Variants in ITFG1 observed in about 807,000 individuals in gnomAD.
ITFG1 encodes the protein T-cell immunomodulatory protein.
A neutral mutation model predicts 81.8 loss-of-function variants in ITFG1; 34 were observed. The ratio of observed to expected loss-of-function variants is 0.42; its 90% CI spans 0.32 to 0.55. The LOEUF (loss-of-function observed/expected upper bound fraction) is 0.55, where lower values mean the gene tolerates loss of function less well. Ranked by LOEUF, ITFG1 falls within the 20% of genes least tolerant of loss-of-function variation. The probability of loss-of-function intolerance (pLI) is 0.17; values close to 1 mark genes in which losing one functional copy is unlikely to be tolerated. For synonymous variants in ITFG1, 285 were observed against 270.6 expected (o/e 1.05, Z -0.52); for missense variants, 672 against 755.4 (o/e 0.89, Z 1.29).
At chr16:47,287,582 T>C (rs192486796) in intron 10 of ITFG1, among the ~76,000 whole-genome samples, 6 of 152,020 alleles carry the variant, frequency 3.9e-5, no homozygotes, top group Admixed American at 3.9e-4. Context: ...AAATTTTTTT[T>C]TGTAGAGACA....
At chr16:47,196,952 C>A (rs964973495) in intron 14 of ITFG1, among the ~76,000 whole-genome samples, 4 of 151,960 alleles carry the variant, frequency 2.6e-5, no homozygotes, top group African/African-American at 4.8e-5. Context: ...CAAAACAAAA[C>A]AACAACAACA....
At chr16:47,281,340 C>CT (rs1048789751) in intron 10 of ITFG1, among the ~76,000 whole-genome samples, 6 of 152,036 alleles carry the variant, frequency 3.9e-5, no homozygotes, top group Non-Finnish European at 7.4e-5. Context: ...CTGTAGTTTT[C>CT]TTTTTTTGTA....
intron 6 of ITFG1, among the ~76,000 whole-genome samples, chr16:47,403,880 C>A (rs1968695201): frequency 6.6e-6 from 1 of 150,938 alleles, no homozygotes; most frequent in South Asian, 2.1e-4. Flanking sequence ...AGGCCATGGA[C>A]CAGAACTGGT....
intron 12 of ITFG1, among the ~76,000 whole-genome samples, chr16:47,245,430 T>C (rs1224412886): frequency 6.6e-6 from 1 of 152,210 alleles, no homozygotes. Context: ...CAACCCATAA[T>C]TGCATGGTAT....
At chr16:47,421,464 T>C (rs1450142955) in intron 6 of ITFG1, among the ~76,000 whole-genome samples, 1 of 151,928 alleles carries the variant, frequency 6.6e-6, no homozygotes, top group African/African-American at 2.4e-5. Flanking sequence ...ACCAACATGC[T>C]CAGCTAACTT....
intron 14 of ITFG1, among the ~76,000 whole-genome samples, chr16:47,188,646 G>A (rs1269112547): frequency 3.4e-5 from 5 of 147,976 alleles, no homozygotes; most frequent in Admixed American, 6.7e-5. Context: ...GGGAGGGATA[G>A]CATTGGGAGA....
At chr16:47,458,826 T>C (rs1969484921) in intron 2 of ITFG1, among the ~76,000 whole-genome samples, 1 of 152,030 alleles carries the variant, frequency 6.6e-6, no homozygotes, top group Non-Finnish European at 1.5e-5. Context: ...ACGAGACACA[T>C]TCAAGAAGGG....
chr16:47,198,923 A>C (rs1965389803), intron 14 of ITFG1, among the ~76,000 whole-genome samples: 1 of 152,236 alleles, frequency 6.6e-6, no homozygotes, highest in Non-Finnish European at 1.5e-5. Flanking sequence ...TAACAAGGTA[A>C]AGAAGTTACA....
intron 12 of ITFG1, among the ~76,000 whole-genome samples, chr16:47,243,014 A>T (rs1223778929): frequency 6.6e-6 from 1 of 152,166 alleles, no homozygotes; most frequent in Non-Finnish European, 1.5e-5. Context: ...ATGTTTATTT[A>T]AAAATATATA....
intron 2 of ITFG1, 94 bp downstream of exon 2, chr16:47,459,009 T>G: frequency 1.3e-6 from 1 of 797,282 alleles, no homozygotes; most frequent in South Asian, 1.6e-5. Context: ...ATCCCAACAC[T>G]AAGGCTGACT....
At chr16:47,156,642 A>G (rs193201928) in intron 17 of ITFG1, among the ~76,000 whole-genome samples, 81 of 152,234 alleles carry the variant, frequency 5.3e-4, no homozygotes, top group African/African-American at 1.7e-3. Context: ...CTAAGAGACT[A>G]CTTCTAGATC....
At chr16:47,194,707 T>C (rs1184234287) in intron 14 of ITFG1, among the ~76,000 whole-genome samples, 4 of 152,080 alleles carry the variant, frequency 2.6e-5, no homozygotes, top group Non-Finnish European at 4.4e-5. Context: ...CTACTTAATA[T>C]ATATATATAT....
intron 8 of ITFG1, among the ~76,000 whole-genome samples, chr16:47,342,241 T>C (rs1436913030): frequency 6.6e-6 from 1 of 152,000 alleles, no homozygotes; most frequent in Non-Finnish European, 1.5e-5. Flanking sequence ...ATGTAATACA[T>C]CACAGTAATG....
chr16:47,275,201 G>A (rs773162239), intron 10 of ITFG1, among the ~76,000 whole-genome samples: 4 of 151,944 alleles, frequency 2.6e-5, no homozygotes, highest in Admixed American at 6.6e-5. Context: ...ACTCTGTTTA[G>A]CTGACATTGA....
At chr16:47,267,198 T>C (rs928168507) in intron 10 of ITFG1, among the ~76,000 whole-genome samples, 1 of 152,198 alleles carries the variant, frequency 6.6e-6, no homozygotes, top group Non-Finnish European at 1.5e-5. Flanking sequence ...TGATTATATC[T>C]CAACAAAACT....
intron 10 of ITFG1, among the ~76,000 whole-genome samples, chr16:47,280,456 G>A (rs1018944103): frequency 1.3e-5 from 2 of 152,194 alleles, no homozygotes; most frequent in East Asian, 3.9e-4. Context: ...AAGCCCACTT[G>A]GTTGTGGTGT....
intron 8 of ITFG1, among the ~76,000 whole-genome samples, chr16:47,354,136 TAC>T (rs1266764880): frequency 6.6e-6 from 1 of 152,140 alleles, no homozygotes; most frequent in Non-Finnish European, 1.5e-5. Context: ...GGCACCATAA[TAC>T]CTTACTTTAA....
At chr16:47,183,620 A>G (rs1965164907) in intron 14 of ITFG1, among the ~76,000 whole-genome samples, 1 of 152,142 alleles carries the variant, frequency 6.6e-6, no homozygotes, top group African/African-American at 2.4e-5. Flanking sequence ...GGACATCCAC[A>G]CCAAAAACCC....
At chr16:47,396,130 G>T in intron 6 of ITFG1, 1 of 981,754 alleles carries the variant, frequency 1.0e-6, no homozygotes. Flanking sequence ...CTTAAGTATA[G>T]TGTGGTGGGT....
Sources: gnomAD v4.1 joint callset for allele counts (sites outside exome capture counted in the v4.1 genomes callset) on GRCh38, gnomAD v4.1.1 for gene constraint, MANE v1.5 for transcripts, NCBI Gene and HGNC (gene_info 2026-07-23, HGNC 2026-07-21) for gene names.